RBFOX1: variants seen among roughly 807,000 people sequenced by gnomAD.
RBFOX1 encodes the protein RNA binding protein fox-1 homolog 1.
A neutral mutation model predicts 57.7 loss-of-function variants in RBFOX1; 8 were observed. That is an observed-to-expected ratio of 0.14 (90% CI 0.08 to 0.25). RBFOX1 has a LOEUF of 0.25. RBFOX1 is among the 10% of genes least tolerant of loss of function. The probability of loss-of-function intolerance (pLI) is 1.00; values close to 1 mark genes in which losing one functional copy is unlikely to be tolerated. For synonymous variants in RBFOX1, 326 were observed against 222.4 expected, an observed-to-expected ratio of 1.47 and a Z score of -4.15; for missense variants, 611 against 548.5, an observed-to-expected ratio of 1.11 and a Z score of -1.14.
intron 3 of RBFOX1, among the ~76,000 whole-genome samples, chr16:6,729,535 A>G (rs2068026042): frequency 6.6e-6 from 1 of 152,204 alleles, no homozygotes; most frequent in South Asian, 2.1e-4. Context: ...ATGTTTATAT[A>G]CAGCTGCCTG....
chr16:6,761,570 C>T (rs887887244), intron 3 of RBFOX1, among the ~76,000 whole-genome samples: 20 of 117,126 alleles, frequency 1.7e-4, no homozygotes, highest in Non-Finnish European at 9.7e-5. Flanking sequence ...TGCAGTGGTG[C>T]GATCTCGGTT....
intron 2 of RBFOX1, among the ~76,000 whole-genome samples, chr16:6,436,758 T>A (rs1348653069): frequency 1.3e-5 from 2 of 152,132 alleles, no homozygotes; most frequent in Non-Finnish European, 2.9e-5. Flanking sequence ...GATGTAGTAG[T>A]AACTCAGTGA....
intron 4 of RBFOX1, among the ~76,000 whole-genome samples, chr16:7,052,496 G>T (rs572252099): frequency 1.3e-5 from 2 of 152,306 alleles, no homozygotes; most frequent in South Asian, 4.1e-4. Flanking sequence ...GTTGACTGGG[G>T]TGGGTGAGCA....
chr16:6,999,458 G>A (rs56754414), intron 3 of RBFOX1, among the ~76,000 whole-genome samples: 6 of 149,202 alleles, frequency 4.0e-5, no homozygotes, highest in South Asian at 4.3e-4. Flanking sequence ...TATTTGAGAC[G>A]GAGTCTTGCT....
At chr16:6,611,065 G>T (rs537006255) in intron 2 of RBFOX1, among the ~76,000 whole-genome samples, 2 of 152,118 alleles carry the variant, frequency 1.3e-5, no homozygotes, top group Non-Finnish European at 2.9e-5. Flanking sequence ...TACCATTAAG[G>T]CCTAAGAAGC....
chr16:7,435,361 T>A (rs115244150), intron 4 of RBFOX1, among the ~76,000 whole-genome samples: 1,537 of 152,226 alleles, frequency 0.01, 26 homozygotes, highest in African/African-American at 0.035. Flanking sequence ...GCGTGCCATT[T>A]GTATCACACC....
At chr16:5,767,072 C>T (rs1373969129) in intron 3 of RBFOX1, among the ~76,000 whole-genome samples, 1 of 152,180 alleles carries the variant, frequency 6.6e-6, no homozygotes, top group South Asian at 2.1e-4. Flanking sequence ...TAAGGTTAGT[C>T]CCACCCTTTA....
intron 4 of RBFOX1, among the ~76,000 whole-genome samples, chr16:7,187,404 C>T (rs942840583): frequency 1.3e-5 from 2 of 151,728 alleles, no homozygotes; most frequent in African/African-American, 2.4e-5. Flanking sequence ...ATAAGAAAGC[C>T]CTTGGCCAGG....
intron 5 of RBFOX1, among the ~76,000 whole-genome samples, chr16:7,578,484 T>G (rs1279500700): frequency 1.3e-5 from 2 of 152,212 alleles, no homozygotes; most frequent in African/African-American, 2.4e-5. Context: ...AACCTTCCAG[T>G]ACATACCAGG....
chr16:7,281,545 T>G (rs2095543784), intron 4 of RBFOX1, among the ~76,000 whole-genome samples: 1 of 152,082 alleles, frequency 6.6e-6, no homozygotes, highest in Non-Finnish European at 1.5e-5. Context: ...TATGTAAGTG[T>G]TAACTACTAT....
intron 4 of RBFOX1, among the ~76,000 whole-genome samples, chr16:7,241,949 G>A (rs913771487): frequency 2.0e-5 from 3 of 151,984 alleles, no homozygotes; most frequent in Admixed American, 2.0e-4. Flanking sequence ...ATCTGCATAT[G>A]CGTGTGTATA....
At chr16:6,557,048 T>TATATATACATATATACACAC (rs2097111130) in intron 2 of RBFOX1, among the ~76,000 whole-genome samples, 1 of 121,180 alleles carries the variant, frequency 8.3e-6, no homozygotes, top group Non-Finnish European at 1.6e-5. Flanking sequence ...TATATATACA[T>TATATATACATATATACACAC]ATATATACAT....
At chr16:7,207,307 C>T (rs1183218585) in intron 4 of RBFOX1, among the ~76,000 whole-genome samples, 2 of 152,168 alleles carry the variant, frequency 1.3e-5, no homozygotes, top group African/African-American at 2.4e-5. Flanking sequence ...GTTGGTGAGT[C>T]ATGCATGTTT....
At chr16:6,939,260 C>G (rs565011506) in intron 3 of RBFOX1, among the ~76,000 whole-genome samples, 2 of 152,166 alleles carry the variant, frequency 1.3e-5, no homozygotes, top group South Asian at 4.2e-4. Flanking sequence ...TCAAATATTG[C>G]AGACATGAGT....
rs1297404623 is a variant in RBFOX1, at chr16:7,567,288, T to TATC, written c.271-12489_271-12488insATC. On this transcript the variant is annotated intron_variant, in intron 5 of 15. Transcript: ENST00000550418. ...ATCCCTATATATATATCCCTATATA[T>TATC]CCTTATATATGGCCCTATATATATA... Among the ~76,000 whole-genome samples the TATC allele has an allele frequency of 1.2e-4, 14 of 119,946 alleles. 2 individuals carry two copies. Among genetic ancestry groups the TATC allele is most frequent in the African/African-American group, 3.8e-4 (12 of 31,654 alleles). 78.7% of individuals were successfully genotyped at this position (119,946 alleles called of 152,430 possible).
In RBFOX1 at chr16:6,240,952, T is replaced by C. The variant is rs1220157525; in HGVS notation, c.-126-76043T>C. Among the ~76,000 whole-genome samples, 4 of 152,336 alleles carry C rather than the reference T, an allele frequency of 2.6e-5. No homozygotes were observed. The South Asian group carries it at 8.3e-4, about 32-fold the overall frequency. ...CATCACACATTGTGTTTCTACCGAC[T>C]CACCCTGATGTTTTTCCCCTTTACC... On this transcript the variant is annotated intron_variant, in intron 1 of 15. Coordinates refer to ENST00000550418, the MANE Select transcript of RBFOX1 (RefSeq NM_018723.4).
chr16:7,591,755 G>A (rs746825188), intron 7 of RBFOX1, among the ~76,000 whole-genome samples: 2 of 152,182 alleles, frequency 1.3e-5, no homozygotes, highest in Admixed American at 1.3e-4. Context: ...CCTTTGCCGA[G>A]CAAGCCAAGC....
intron 4 of RBFOX1, among the ~76,000 whole-genome samples, chr16:7,434,069 T>C (rs957455598): frequency 2.0e-5 from 3 of 151,824 alleles, no homozygotes; most frequent in African/African-American, 7.3e-5. Context: ...CTAAAAGATG[T>C]AAAGCAGGTA....
At chr16:6,780,795 G>A (rs935212681) in intron 3 of RBFOX1, among the ~76,000 whole-genome samples, 1 of 151,638 alleles carries the variant, frequency 6.6e-6, no homozygotes, top group Non-Finnish European at 1.5e-5. Context: ...ATGTCTTCTT[G>A]AGAATTGTCT....
Sources: gnomAD v4.1 joint callset for allele counts (sites outside exome capture counted in the v4.1 genomes callset) on GRCh38, gnomAD v4.1.1 for gene constraint, MANE v1.5 for transcripts, NCBI Gene and HGNC (gene_info 2026-07-23, HGNC 2026-07-21) for gene names.